The following EVA1C variants were observed in gnomAD, a reference collection of about 807,000 sequenced individuals.
EVA1C encodes the protein eva-1 homolog C.
Under a neutral mutation model 45.4 loss-of-function variants are expected in EVA1C, and 25 were observed. The observed-to-expected ratio is 0.55, with a 90% CI of 0.40 to 0.77. The LOEUF (loss-of-function observed/expected upper bound fraction) is 0.77. EVA1C is among the 30% of genes least tolerant of loss of function. The pLI is 0.00. For synonymous variants in EVA1C, 190 were observed against 221.2 expected, an observed-to-expected ratio of 0.86 and a Z score of 1.25; for missense variants, 479 against 554.8, an observed-to-expected ratio of 0.86 and a Z score of 1.37.
chr21:32,497,066 T>C (rs2037375605), intron 5 of EVA1C: 7 of 1,084,964 alleles, frequency 6.5e-6, no homozygotes, highest in Admixed American at 1.7e-5. Flanking sequence ...AGGAATGTCA[T>C]TGGACAGGAT....
chr21:32,510,793 G>A (rs2037921079), intron 7 of EVA1C, among the ~76,000 whole-genome samples: 1 of 152,252 alleles, frequency 6.6e-6, no homozygotes, highest in East Asian at 1.9e-4. Context: ...CCAGCACTTG[G>A]GGAGGCCAAG....
chr21:32,487,503 T>G (rs1424465960), intron 4 of EVA1C, among the ~76,000 whole-genome samples: 1 of 152,114 alleles, frequency 6.6e-6, no homozygotes, highest in East Asian at 1.9e-4. Context: ...GTGGATCACC[T>G]GAAGTCAGAA....
intron 1 of EVA1C, among the ~76,000 whole-genome samples, chr21:32,447,661 A>T (rs993228577): frequency 2.0e-5 from 3 of 151,786 alleles, no homozygotes; most frequent in Admixed American, 6.6e-5. Flanking sequence ...TGCCTACCAC[A>T]TGGACCATCT....
intron 4 of EVA1C, 134 bp from the exon 5 acceptor site, chr21:32,494,892 AC>A: frequency 1.0e-6 from 1 of 952,840 alleles, no homozygotes. Context: ...CTTTAATGAG[AC>A]AGAAAATAAG....
At chr21:32,427,780 G>A (rs1266034922) in intron 1 of EVA1C, among the ~76,000 whole-genome samples, 2 of 150,694 alleles carry the variant, frequency 1.3e-5, no homozygotes, top group African/African-American at 4.9e-5. Context: ...CACTGTGGGA[G>A]GCCAAGGTGG....
chr21:32,431,278 G>A (rs908699928), intron 1 of EVA1C, among the ~76,000 whole-genome samples: 3 of 152,186 alleles, frequency 2.0e-5, no homozygotes, highest in Admixed American at 6.5e-5. Context: ...CTTATTAGTG[G>A]AAGGACCAAG....
intron 6 of EVA1C, among the ~76,000 whole-genome samples, chr21:32,503,176 C>T (rs2037613399): frequency 6.6e-6 from 1 of 152,202 alleles, no homozygotes; most frequent in South Asian, 2.1e-4. Flanking sequence ...AAAAAGTAGC[C>T]CAATACAACC....
intron 6 of EVA1C, among the ~76,000 whole-genome samples, chr21:32,502,511 T>C (rs576922539): frequency 6.6e-6 from 1 of 151,994 alleles, no homozygotes; most frequent in African/African-American, 2.4e-5. Context: ...ACCCATGGGG[T>C]CCCTAATAGA....
intron 1 of EVA1C, among the ~76,000 whole-genome samples, chr21:32,416,315 CTTTTTCTTTTT>C (rs1264652179): frequency 3.7e-5 from 4 of 108,898 alleles, no homozygotes; most frequent in East Asian, 3.2e-4. Flanking sequence ...TTTTCTTTTT[CTTTTTCTTTTT>C]TTTTTTTTTT....
chr21:32,427,594 T>A (rs1412281040), intron 1 of EVA1C, among the ~76,000 whole-genome samples: 3 of 152,016 alleles, frequency 2.0e-5, no homozygotes, highest in African/African-American at 4.8e-5. Flanking sequence ...ATGCCTGTAG[T>A]CCCAGTTACT....
At chr21:32,510,043 CTTTTTTTTT>C (rs58017017) in intron 7 of EVA1C, among the ~76,000 whole-genome samples, 6 of 114,532 alleles carry the variant, frequency 5.2e-5, no homozygotes, top group African/African-American at 7.6e-5. Context: ...TCCGACATTC[CTTTTTTTTT>C]TTTTTTTTTT....
intron 1 of EVA1C, among the ~76,000 whole-genome samples, chr21:32,425,334 C>CA (rs60224656): frequency 0.018 from 1,032 of 57,422 alleles, 39 homozygotes; most frequent in African/African-American, 0.037. Context: ...GACTCCATCT[C>CA]AAAAAAAAAA....
chr21:32,461,674 C>T (rs1293292218), intron 3 of EVA1C, among the ~76,000 whole-genome samples: 2 of 152,242 alleles, frequency 1.3e-5, no homozygotes, highest in Non-Finnish European at 2.9e-5. Flanking sequence ...GGAGTATTTA[C>T]ACCAGGGAAA....
At chr21:32,430,259 C>T (rs560954196) in intron 1 of EVA1C, among the ~76,000 whole-genome samples, 7 of 152,164 alleles carry the variant, frequency 4.6e-5, no homozygotes, top group South Asian at 2.1e-4. Flanking sequence ...GGTGCCCTCT[C>T]GCCTTCTCTA....
Position 32,474,130 on chromosome 21 carries a change from T to G in EVA1C, c.634+6282T>G. The G allele has an allele frequency of 5.3e-6, 1 of 189,824 alleles. No homozygotes were observed. The highest frequency in any genetic ancestry group is 9.8e-6 in the Non-Finnish European group (1 of 102,532). The allele number at this position is 189,824 out of a possible 1,614,324, so 11.8% of individuals were successfully genotyped here. ...AGTCTTGCTATTTTGCCCAGGCTGG[T>G]CTTCAACTCCTGGCCTCAAGTGATC... On this transcript the variant is annotated intron_variant, in intron 4 of 7. Transcript: ENST00000300255. This position sits in a 1 kb window ranked among gnomAD's most constrained non-coding sequence, Gnocchi z 4.4.
intron 2 of EVA1C, among the ~76,000 whole-genome samples, chr21:32,455,929 G>A (rs1353226203): frequency 6.6e-6 from 1 of 152,132 alleles, no homozygotes; most frequent in Non-Finnish European, 1.5e-5. Flanking sequence ...TTTCACTCTT[G>A]TTGCCCAGGC....
Position 32,412,951 on chromosome 21 carries a change from G to T in EVA1C, c.98G>T (p.Arg33Leu), listed in dbSNP as rs1376799002. ...RQVEPPGQLL[R>L]LFYCTVLVCS... The stretch of plus-strand genomic sequence containing the variant: ...GTAGAGCCGCCGGGGCAGCTCCTGC[G>T]CCTCTTCTACTGCACTGTCCTGGTC... Residue 33 changes from arginine to leucine, a missense_variant, in exon 1 of 8, where the codon CGC becomes CTC. By Grantham distance (102) the Arg-to-Leu change is moderately radical (BLOSUM62 -2). Around this residue, in one of 3 missense-constraint regions of EVA1C, gnomAD observed 80 missense variants for 63.8 expected, o/e 1.25. Coordinates refer to ENST00000300255, the MANE Select transcript of EVA1C (RefSeq NM_058187.5). 6.4e-7 allele frequency: 1 copy of T among 1,556,396 alleles called. No individual in the cohort carries two copies. The highest frequency in any genetic ancestry group is 1.9e-5 in the Admixed American group (1 of 53,114).
intron 1 of EVA1C, among the ~76,000 whole-genome samples, chr21:32,450,073 A>G (rs1364256441): frequency 6.6e-6 from 1 of 152,200 alleles, no homozygotes; most frequent in Non-Finnish European, 1.5e-5. Flanking sequence ...CTATGCACTG[A>G]GCTTCTGCCC....
At position 32,453,397 on chromosome 21, in the gene EVA1C, G is replaced by C; in HGVS notation, c.246G>C (p.Thr82=). The change falls in exon 2 of 8, where the codon ACG becomes ACC. Residue 82 remains threonine (T), a synonymous_variant. Transcript: ENST00000300255. ...ATCTACAGTGCCCTCGGCATTCTAC[G>C]ATAAGTGTCCAATCGGCATTTTATG... The part of the protein sequence containing the change: ...YLNLQCPRHS[T]ISVQSAFYGQ... 6.2e-7 allele frequency: 1 copy of C among 1,611,610 alleles called. No individual in the cohort carries two copies.
Sources: gnomAD v4.1 joint callset for allele counts (sites outside exome capture counted in the v4.1 genomes callset) on GRCh38, gnomAD v4.1.1 for gene constraint, gnomAD v4.1.1 regional missense constraint, Gnocchi (gnomAD v3.1) non-coding constraint, MANE v1.5 for transcripts, NCBI Gene and HGNC (gene_info 2026-07-23, HGNC 2026-07-21) for gene names.